MARK2: variants seen among roughly 807,000 people sequenced by gnomAD.
The protein encoded by MARK2 is microtubule affinity regulating kinase 2, also known as serine/threonine-protein kinase MARK2.
In MARK2, 16 loss-of-function variants were observed where a neutral mutation model predicts 89.8. The ratio of observed to expected loss-of-function variants is 0.18; its 90% CI spans 0.12 to 0.27. The LOEUF (loss-of-function observed/expected upper bound fraction) is 0.27. MARK2 is among the 10% of genes least tolerant of loss of function. MARK2 has a pLI of 1.00. For synonymous variants in MARK2, 382 were observed against 399.5 expected (o/e 0.96, Z 0.52); for missense variants, 621 against 1,049.9 (o/e 0.59, Z 5.65).
intron 1 of MARK2, among the ~76,000 whole-genome samples, chr11:63,883,825 G>T (rs1216858816): frequency 6.6e-6 from 1 of 152,144 alleles, no homozygotes; most frequent in African/African-American, 2.4e-5. Context: ...AGGCTCAAGG[G>T]ATCTGCCTGT....
In MARK2 at chr11:63,910,121, CAGGGG is replaced by C. The variant is rs1941656584; in HGVS notation, c.*885_*889del. 6.6e-6 allele frequency: 1 copy of C among 152,342 alleles called. No individual in the cohort carries two copies. Among genetic ancestry groups the C allele is most frequent in the Non-Finnish European group, 1.5e-5 (1 of 68,154 alleles). 9.4% of individuals were successfully genotyped at this position (152,342 alleles called of 1,614,324 possible). A position where few individuals can be genotyped will look rare whatever the true frequency, so the allele number is the denominator to read the frequency against. ...GAGGGCAGACTGGCTTCTCGGTCCC[CAGGGG>C]GCCGCTTGGGCTGTTGGTCTCCAGA... On this transcript the variant is annotated 3_prime_UTR_variant, in exon 19 of 19. Coordinates refer to ENST00000402010, the MANE Select transcript of MARK2 (RefSeq NM_001039469.3).
chr11:63,889,267 A>G (rs892999266), intron 1 of MARK2, among the ~76,000 whole-genome samples: 5 of 152,142 alleles, frequency 3.3e-5, no homozygotes, highest in South Asian at 2.1e-4. Context: ...GGAGCCTAGG[A>G]TCTGGGGCCA....
At chr11:63,892,789 T>C (rs1939991469) in intron 1 of MARK2, among the ~76,000 whole-genome samples, 1 of 148,310 alleles carries the variant, frequency 6.7e-6, no homozygotes, top group Admixed American at 6.9e-5. Flanking sequence ...TACAATGGCA[T>C]GATCATGGCT....
rs190586356 is a variant in MARK2 at position 63,891,975 on chromosome 11, G to A, written c.55-3184G>A. ...TGTGAACCCTAGAGTTCCTTTGGAA[G>A]GGAAAAAAGCAGGTATTTAAAAATC... On this transcript the variant is annotated intron_variant, in intron 1 of 18. Coordinates refer to ENST00000402010, the MANE Select transcript of MARK2 (RefSeq NM_001039469.3). 2.1e-3 allele frequency among the ~76,000 whole-genome samples: 314 copies of A among 152,288 alleles called. 1 individual carries two copies. Among genetic ancestry groups the A allele is most frequent in the African/African-American group, 7.3e-3 (303 of 41,570 alleles).
intron 1 of MARK2, among the ~76,000 whole-genome samples, chr11:63,866,332 A>G (rs1226550364): frequency 6.6e-6 from 1 of 150,656 alleles, no homozygotes; most frequent in Non-Finnish European, 1.5e-5. Flanking sequence ...AGCCTGGGCA[A>G]TAAAGCAAGA....
At chr11:63,839,594 G>T in intron 1 of MARK2, 34 bp downstream of exon 1, 3 of 1,420,800 alleles carry the variant, frequency 2.1e-6, no homozygotes, top group South Asian at 1.2e-5. Flanking sequence ...GAATTCTCTG[G>T]CTGGGCCCTT....
chr11:63,906,078 G>GTT lies in MARK2; in HGVS notation c.1935-4_1935-3dup. On this transcript the variant is annotated splice_polypyrimidine_tract_variant and intron_variant, in intron 16 of 18. Coordinates refer to ENST00000402010, the MANE Select transcript of MARK2 (RefSeq NM_001039469.3). ...TTTTTATTTTGTCTTTTTTTTGTTT[G>GTT]TTTTTTTAGAAATCTGTCTTTCAGG... is the stretch of plus-strand genomic sequence containing the variant. The GTT allele has an allele frequency of 7.5e-7, 1 of 1,335,644 alleles. No homozygotes were observed. Among genetic ancestry groups the GTT allele is most frequent in the Non-Finnish European group, 9.6e-7 (1 of 1,039,678 alleles). 82.7% of individuals were successfully genotyped at this position (1,335,644 alleles called of 1,614,324 possible).
chr11:63,863,430 T>G, intron 1 of MARK2, among the ~76,000 whole-genome samples: 1 of 151,114 alleles, frequency 6.6e-6, no homozygotes, highest in Admixed American at 6.6e-5. Context: ...AGTAAAGGGG[T>G]GAACTATTGC....
At chr11:63,878,543 G>GT (rs749514366) in intron 1 of MARK2, among the ~76,000 whole-genome samples, 127 of 151,554 alleles carry the variant, frequency 8.4e-4, no homozygotes, top group Admixed American at 4.3e-3. Flanking sequence ...CTAATTTTTT[G>GT]TTTTTTTAGT....
At chr11:63,868,746 C>CTTTTTTTTT in intron 1 of MARK2, 1 of 455,800 alleles carries the variant, frequency 2.2e-6, no homozygotes, top group African/African-American at 2.0e-5. Flanking sequence ...AGTCTTGCCT[C>CTTTTTTTTT]TTTTTTGATG....
rs184971858 is a variant in MARK2 at position 63,845,198 on chromosome 11, T to C, written c.54+5638T>C. On this transcript the variant is annotated intron_variant, in intron 1 of 18. Coordinates refer to ENST00000402010, the MANE Select transcript of MARK2 (RefSeq NM_001039469.3). ...AACCAGGACAAGCCCCTATTCCCTC[T>C]GCTTGGTTAAGCTGTGGACTGGAGC... is the stretch of plus-strand genomic sequence containing the variant. Among the ~76,000 whole-genome samples the C allele has an allele frequency of 4.8e-4, 73 of 152,310 alleles. 2 individuals carry two copies. In the East Asian group the frequency reaches 0.012, roughly 25 times the overall value.
chr11:63,845,225 A>G (rs2016220432), intron 1 of MARK2, among the ~76,000 whole-genome samples: 1 of 152,160 alleles, frequency 6.6e-6, no homozygotes, highest in Non-Finnish European at 1.5e-5. Flanking sequence ...GACTGGAGCT[A>G]CTAGGCCTCT....
chr11:63,880,703 G>T (rs2135287114), intron 1 of MARK2, among the ~76,000 whole-genome samples: 1 of 152,324 alleles, frequency 6.6e-6, no homozygotes, highest in South Asian at 2.1e-4. Context: ...GAAGGCTAGG[G>T]CTTGATTCAG....
At position 63,904,040 on chromosome 11, in the gene MARK2, T is replaced by C; in HGVS notation, c.1569T>C (p.Ser523=). The C allele has an allele frequency of 1.0e-5, 16 of 1,603,766 alleles. No individual in the cohort carries two copies. The highest frequency in any genetic ancestry group is 1.4e-5 in the Non-Finnish European group (16 of 1,178,306). ...ASTASASAAV[S]AARPRQHQKS... ...CGGCTTCTGCTTCTGCCGCAGTCTC[T>C]GCGGCCCGGCCCCGCCAGCACCAGA... The change falls in exon 15 of 19, where the codon TCT becomes TCC. Residue 523 remains serine, a synonymous_variant. Coordinates refer to ENST00000402010, the MANE Select transcript of MARK2 (RefSeq NM_001039469.3). This position sits in a 1 kb window ranked among gnomAD's most constrained non-coding sequence, Gnocchi z 6.3.
At chr11:63,882,899 T>C (rs1939181174) in intron 1 of MARK2, among the ~76,000 whole-genome samples, 1 of 152,180 alleles carries the variant, frequency 6.6e-6, no homozygotes, top group Non-Finnish European at 1.5e-5. Context: ...GGTTAGGATC[T>C]GCTGCCTCCC....
intron 1 of MARK2, among the ~76,000 whole-genome samples, chr11:63,858,518 T>A (rs922656533): frequency 6.6e-6 from 1 of 152,098 alleles, no homozygotes; most frequent in Non-Finnish European, 1.5e-5. Context: ...CACACCCGGC[T>A]AATTTTTGTA....
intron 1 of MARK2, among the ~76,000 whole-genome samples, chr11:63,841,486 TTCTC>T (rs1189397173): frequency 6.6e-6 from 1 of 152,208 alleles, no homozygotes; most frequent in Non-Finnish European, 1.5e-5. Context: ...CTCGCAGTCT[TTCTC>T]TCCCTTGCCT....
At chr11:63,894,455 G>A (rs1417512771) in intron 1 of MARK2, among the ~76,000 whole-genome samples, 1 of 152,194 alleles carries the variant, frequency 6.6e-6, no homozygotes, top group African/African-American at 2.4e-5. Flanking sequence ...CCAGCACTTT[G>A]GGAGGCCAAG....
At chr11:63,850,457 G>T in intron 1 of MARK2, among the ~76,000 whole-genome samples, 1 of 150,314 alleles carries the variant, frequency 6.7e-6, no homozygotes, top group Non-Finnish European at 1.5e-5. Context: ...GTGAGCCACT[G>T]CACCCGCCCT....
Sources: allele counts gnomAD v4.1 joint callset (sites outside exome capture counted in the v4.1 genomes callset), GRCh38; gene constraint gnomAD v4.1.1; non-coding constraint Gnocchi (gnomAD v3.1); transcripts MANE v1.5; gene names NCBI Gene and HGNC (gene_info 2026-07-23, HGNC 2026-07-21).